The following STK32A variants were observed in gnomAD, a reference collection of about 807,000 sequenced individuals.
STK32A encodes serine/threonine-protein kinase 32A.
STK32A carries 41 observed loss-of-function variants against 53.2 expected under a neutral mutation model. The observed-to-expected ratio is 0.77, with a 90% CI of 0.60 to 1.00. STK32A has a LOEUF of 1.00. Among genes scored for constraint, STK32A ranks in the 50% least tolerant of loss-of-function variants. The pLI is 0.00. For synonymous variants in STK32A, 166 were observed against 162.8 expected (o/e 1.02, Z -0.15); for missense variants, 458 against 485.8 (o/e 0.94, Z 0.54).
chr5:147,382,457 T>C (rs890459454), intron 11 of STK32A, among the ~76,000 whole-genome samples: 8 of 152,098 alleles, frequency 5.3e-5, no homozygotes, highest in African/African-American at 1.9e-4. Flanking sequence ...TTGGTTTATG[T>C]TTTTTACTGT....
At chr5:147,393,221 C>G in the STK32A span, 1 of 152,326 alleles carries the variant, frequency 6.6e-6, no homozygotes, top group African/African-American at 2.4e-5. Context: ...TTTAAGAGCA[C>G]CAAAGAGGCA....
At chr5:147,375,061 G>A (rs932474697) in intron 10 of STK32A, 29 bp from the exon 11 acceptor site, 3 of 1,578,818 alleles carry the variant, frequency 1.9e-6, no homozygotes, top group Non-Finnish European at 2.6e-6. Context: ...ACAGTAATCT[G>A]AGGATTGAGC....
At chr5:147,235,618 AG>A (rs1254960377) in intron 1 of STK32A, among the ~76,000 whole-genome samples, 2 of 152,258 alleles carry the variant, frequency 1.3e-5, no homozygotes, top group Admixed American at 6.5e-5. Flanking sequence ...TCAGAGCTGT[AG>A]GGATCAGCAT....
At chr5:147,373,336 C>G in intron 10 of STK32A, 42 bp downstream of exon 10, 5 of 1,607,366 alleles carry the variant, frequency 3.1e-6, no homozygotes, top group Non-Finnish European at 4.3e-6. Context: ...CCATTCAGTG[C>G]GCATTACCCG....
intron 2 of STK32A, among the ~76,000 whole-genome samples, chr5:147,261,660 A>G (rs980591204): frequency 6.6e-6 from 1 of 152,198 alleles, no homozygotes; most frequent in Non-Finnish European, 1.5e-5. Flanking sequence ...GAAATTTATA[A>G]CTGATATCTA....
chr5:147,375,249 T>A, intron 11 of STK32A, 31 bp downstream of exon 11: 1 of 1,604,492 alleles, frequency 6.2e-7, no homozygotes, highest in Non-Finnish European at 8.5e-7. Context: ...CTCAGGGTCA[T>A]GGGTATCCCC....
intron 8 of STK32A, among the ~76,000 whole-genome samples, chr5:147,366,873 G>A (rs962112053): frequency 1.0e-4 from 9 of 86,014 alleles, no homozygotes; most frequent in African/African-American, 3.6e-4. Context: ...ACCTTGTTGA[G>A]CCTTTTTTTT....
rs3064294 is a variant in STK32A at position 147,317,323 on chromosome 5, C to CTTTTTTTTTT, written c.261-6560_261-6551dup. On this transcript the variant is annotated intron_variant, in intron 4 of 12. Transcript: ENST00000397936. ...TTAGGGTCTTTTTTTCTTTTTCTTT[C>CTTTTTTTTTT]TTTTTTTTTTTTTTTTTTTTTTTTG... Among the ~76,000 whole-genome samples the CTTTTTTTTTT allele has an allele frequency of 2.0e-3, 165 of 81,318 alleles. 1 individual carries two copies. Among genetic ancestry groups the CTTTTTTTTTT allele is most frequent in the East Asian group, 4.4e-3 (10 of 2,288 alleles). 53.3% of individuals were successfully genotyped at this position (81,318 alleles called of 152,430 possible).
In STK32A at chr5:147,264,603, G is replaced by T. The variant is rs1754725479; in HGVS notation, c.53-13521G>T. On this transcript the variant is annotated intron_variant, in intron 2 of 12. Transcript: ENST00000397936. ...CATAATAATGGAAATACCGAATATT[G>T]ATCTAATTAAAATTATTATGCCAGA... 2.0e-5 allele frequency among the ~76,000 whole-genome samples: 3 copies of T among 152,126 alleles called. No homozygotes were observed. The South Asian group carries it at 6.2e-4, about 32-fold the overall frequency.
At chr5:147,355,788 G>GTATATATATATATATATATATATA (rs1354487817) in intron 7 of STK32A, among the ~76,000 whole-genome samples, 6 of 137,582 alleles carry the variant, frequency 4.4e-5, no homozygotes, top group African/African-American at 1.6e-4. Context: ...GTGAGTGTGT[G>GTATATATATATATATATATATATA]TGTGTATATA....
chr5:147,241,764 G>T (rs772693872), intron 2 of STK32A, among the ~76,000 whole-genome samples: 1 of 152,076 alleles, frequency 6.6e-6, no homozygotes, highest in African/African-American at 2.4e-5. Context: ...AGACAAATAG[G>T]CTTGCTTTTC....
rs754764803 is a variant in STK32A, at chr5:147,373,279, A to G, written c.888A>G (p.Pro296=). Residue 296 remains proline, a synonymous_variant, in exon 10 of 13, where the codon CCA becomes CCG. Transcript: ENST00000397936. ...WDAVFQKRLI[P]GFIPNKGRLN... ...CAGTTTTTCAGAAGAGGCTCATTCC[A>G]GGTTTCATTCCTAATGTGAGTCAAT... 13 of 1,613,314 alleles carry G rather than the reference A, an allele frequency of 8.1e-6. No individual in the cohort carries two copies. The highest frequency in any genetic ancestry group is 1.1e-5 in the Non-Finnish European group (13 of 1,179,524).
chr5:147,400,602 G>C, the STK32A span: 108 of 1,510,660 alleles, frequency 7.1e-5, no homozygotes, highest in Non-Finnish European at 8.9e-5. Context: ...TGCACTCGCA[G>C]TGTCACCAGC....
chr5:147,311,941 G>T (rs1753718220), intron 4 of STK32A, among the ~76,000 whole-genome samples: 2 of 152,036 alleles, frequency 1.3e-5, no homozygotes. Flanking sequence ...GCTATGGAAG[G>T]GCAGAGGGGG....
intron 2 of STK32A, among the ~76,000 whole-genome samples, chr5:147,268,668 G>A (rs1754907984): frequency 6.6e-6 from 1 of 152,068 alleles, no homozygotes; most frequent in South Asian, 2.1e-4. Context: ...CTCATGTTCT[G>A]GAAGCCTGTG....
intron 8 of STK32A, among the ~76,000 whole-genome samples, chr5:147,366,431 A>G (rs1346327716): frequency 1.3e-5 from 2 of 152,332 alleles, no homozygotes; most frequent in African/African-American, 4.8e-5. Context: ...CTAAGAAAGG[A>G]CACACTATTA....
chr5:147,255,263 C>CT (rs1313009877), intron 2 of STK32A, among the ~76,000 whole-genome samples: 2 of 152,066 alleles, frequency 1.3e-5, no homozygotes, highest in Non-Finnish European at 2.9e-5. Flanking sequence ...TCTTTTCAAA[C>CT]TTTTTTTTAA....
chr5:147,373,297 G>A lies in STK32A; in HGVS notation c.903+3G>A, dbSNP rs777787859. The A allele has an allele frequency of 2.5e-6, 4 of 1,612,900 alleles. No individual in the cohort carries two copies. The East Asian group carries it at 6.7e-5, about 27-fold the overall frequency. On this transcript the variant is annotated splice_donor_region_variant and intron_variant, in intron 10 of 12. Transcript: ENST00000397936. The stretch of plus-strand genomic sequence containing the variant: ...TCATTCCAGGTTTCATTCCTAATGT[G>A]AGTCAATCCTAACAAAGCCAAATAA...
intron 7 of STK32A, among the ~76,000 whole-genome samples, chr5:147,353,900 T>A (rs1435993313): frequency 1.3e-5 from 2 of 152,194 alleles, no homozygotes; most frequent in Non-Finnish European, 2.9e-5. Flanking sequence ...TTGTTTCAGC[T>A]AGATATGGTC....
Sources: gnomAD v4.1 joint callset for allele counts (sites outside exome capture counted in the v4.1 genomes callset) on GRCh38, gnomAD v4.1.1 for gene constraint, MANE v1.5 for transcripts, NCBI Gene and HGNC (gene_info 2026-07-23, HGNC 2026-07-21) for gene names.